The following GFRA1 variants were observed in gnomAD, a reference collection of about 807,000 sequenced individuals.
GFRA1 encodes the protein GDNF family receptor alpha-1.
A neutral mutation model predicts 51.6 loss-of-function variants in GFRA1; 16 were observed. The observed-to-expected ratio is 0.31, with a 90% CI of 0.21 to 0.47. The LOEUF (loss-of-function observed/expected upper bound fraction) is 0.47, where lower values mean the gene tolerates loss of function less well. Among genes scored for constraint, GFRA1 ranks in the 20% least tolerant of loss-of-function variants. The probability of loss-of-function intolerance (pLI) is 1.00; values close to 1 mark genes in which losing one functional copy is unlikely to be tolerated. For synonymous variants in GFRA1, 270 were observed against 241.3 expected (o/e 1.12, Z -1.10); for missense variants, 530 against 594.3 (o/e 0.89, Z 1.13).
chr10:116,252,536 C>G (rs1278543442), intron 4 of GFRA1, among the ~76,000 whole-genome samples: 4 of 152,164 alleles, frequency 2.6e-5, no homozygotes. Flanking sequence ...GCAAACCAGG[C>G]TATCAATGGT....
intron 6 of GFRA1, among the ~76,000 whole-genome samples, chr10:116,109,278 T>C (rs1051984714): frequency 2.6e-5 from 4 of 152,140 alleles, no homozygotes; most frequent in Non-Finnish European, 4.4e-5. Context: ...AAAGAATTAA[T>C]GTTCCCTCTT....
intron 5 of GFRA1, among the ~76,000 whole-genome samples, chr10:116,150,199 T>C (rs1959005018): frequency 6.6e-6 from 1 of 152,110 alleles, no homozygotes; most frequent in African/African-American, 2.4e-5. Flanking sequence ...ACTCCTCCTC[T>C]CCCACTACCA....
Position 116,272,972 on chromosome 10 carries a change from C to G in GFRA1, c.-247+191G>C, listed in dbSNP as rs1844070692. 1 of 152,146 alleles carries G rather than the reference C, an allele frequency of 6.6e-6. No individual in the cohort carries two copies. Among genetic ancestry groups the G allele is most frequent in the Non-Finnish European group, 1.5e-5 (1 of 68,060 alleles). 9.4% of individuals were successfully genotyped at this position (152,146 alleles called of 1,614,324 possible). A position where few individuals can be genotyped will look rare whatever the true frequency, so the allele number is the denominator to read the frequency against. ...GCACCCCAGCCCAGGGCGAGCGCGC[C>G]GGCCCGCAGTCCCGGCGTGCCCCGG... is the stretch of plus-strand genomic sequence containing the variant. On this transcript the variant is annotated intron_variant, in intron 1 of 10. Coordinates refer to ENST00000355422, the MANE Select transcript of GFRA1 (RefSeq NM_005264.8). The surrounding 1 kb of genome is among the most constrained non-coding windows in gnomAD (Gnocchi z 4.4).
intron 5 of GFRA1, among the ~76,000 whole-genome samples, chr10:116,139,936 T>C (rs755919548): frequency 2.6e-5 from 4 of 152,224 alleles, no homozygotes; most frequent in Non-Finnish European, 4.4e-5. Flanking sequence ...CACCATGATA[T>C]TGCCAACACA....
At chr10:116,205,534 C>G (rs1156743042) in intron 5 of GFRA1, among the ~76,000 whole-genome samples, 1 of 150,512 alleles carries the variant, frequency 6.6e-6, no homozygotes, top group Non-Finnish European at 1.5e-5. Flanking sequence ...GAGAACGCAC[C>G]ACTGCACTCT....
At chr10:116,246,184 A>G (rs560924548) in intron 4 of GFRA1, among the ~76,000 whole-genome samples, 31 of 152,356 alleles carry the variant, frequency 2.0e-4, no homozygotes, top group Non-Finnish European at 4.0e-4. Context: ...TCATGCCTGT[A>G]ATCCCAGCAC....
intron 7 of GFRA1, among the ~76,000 whole-genome samples, chr10:116,096,317 T>C (rs1956570799): frequency 6.6e-6 from 1 of 152,110 alleles, no homozygotes; most frequent in African/African-American, 2.4e-5. Flanking sequence ...TTGACTCGCT[T>C]TCTTCTTCCA....
chr10:116,138,644 C>T (rs561264730), intron 5 of GFRA1, among the ~76,000 whole-genome samples: 1 of 145,732 alleles, frequency 6.9e-6, no homozygotes, highest in African/African-American at 2.6e-5. Flanking sequence ...AACCCCCCCC[C>T]GACCCACCCA....
chr10:116,152,326 T>G (rs2134142176), intron 5 of GFRA1, among the ~76,000 whole-genome samples: 1 of 152,284 alleles, frequency 6.6e-6, no homozygotes, highest in Admixed American at 6.5e-5. Flanking sequence ...TCACAACCTT[T>G]TAGAAACGTT....
intron 9 of GFRA1, among the ~76,000 whole-genome samples, chr10:116,067,961 T>G (rs902539726): frequency 2.0e-5 from 3 of 152,176 alleles, no homozygotes; most frequent in African/African-American, 7.2e-5. Flanking sequence ...TTGGCCTCTG[T>G]ATAAAGGAAA....
intron 4 of GFRA1, among the ~76,000 whole-genome samples, chr10:116,258,417 A>AATG (rs1565685693): frequency 9.5e-6 from 1 of 104,848 alleles, no homozygotes; most frequent in Non-Finnish European, 2.1e-5. Flanking sequence ...TTATATTAAT[A>AATG]AAATAAATAT....
chr10:116,113,375 C>T (rs1957288841), intron 6 of GFRA1, among the ~76,000 whole-genome samples: 1 of 152,094 alleles, frequency 6.6e-6, no homozygotes, highest in Non-Finnish European at 1.5e-5. Flanking sequence ...TTGAGATCCT[C>T]AGTAATTTTC....
At chr10:116,136,650 T>C (rs1028225436) in intron 5 of GFRA1, among the ~76,000 whole-genome samples, 2 of 152,210 alleles carry the variant, frequency 1.3e-5, no homozygotes, top group East Asian at 1.9e-4. Flanking sequence ...GCTTTCAGAT[T>C]ATCTCTGTGT....
At chr10:116,185,998 C>G (rs1962676003) in intron 5 of GFRA1, among the ~76,000 whole-genome samples, 1 of 152,106 alleles carries the variant, frequency 6.6e-6, no homozygotes, top group Admixed American at 6.6e-5. Flanking sequence ...TTTTATTTTA[C>G]TTTATTATTT....
At chr10:116,206,971 A>T (rs907975574) in intron 5 of GFRA1, among the ~76,000 whole-genome samples, 1 of 152,140 alleles carries the variant, frequency 6.6e-6, no homozygotes, top group Non-Finnish European at 1.5e-5. Flanking sequence ...CCACCATGAG[A>T]GAAGCCTCTG....
intron 3 of GFRA1, among the ~76,000 whole-genome samples, chr10:116,270,322 T>C (rs890132707): frequency 3.9e-5 from 6 of 152,226 alleles, no homozygotes; most frequent in Non-Finnish European, 8.8e-5. Context: ...CATCTGCCTT[T>C]GATCACGTTA....
intron 5 of GFRA1, among the ~76,000 whole-genome samples, chr10:116,208,563 T>C (rs1482956744): frequency 6.6e-6 from 1 of 152,188 alleles, no homozygotes; most frequent in Non-Finnish European, 1.5e-5. Flanking sequence ...GGAAAGGCTA[T>C]ACCTCTCTGG....
chr10:116,138,138 G>T (rs1958411315), intron 5 of GFRA1, among the ~76,000 whole-genome samples: 1 of 152,066 alleles, frequency 6.6e-6, no homozygotes, highest in African/African-American at 2.4e-5. Context: ...TTCATTCATG[G>T]AGGTGCTTCC....
intron 4 of GFRA1, among the ~76,000 whole-genome samples, chr10:116,238,908 A>G (rs1362400399): frequency 6.6e-6 from 1 of 152,210 alleles, no homozygotes; most frequent in Non-Finnish European, 1.5e-5. Context: ...CAATTTCCCT[A>G]AAGTGAGAAA....
Sources: allele counts gnomAD v4.1 joint callset (sites outside exome capture counted in the v4.1 genomes callset), GRCh38; gene constraint gnomAD v4.1.1; non-coding constraint Gnocchi (gnomAD v3.1); transcripts MANE v1.5; gene names NCBI Gene and HGNC (gene_info 2026-07-23, HGNC 2026-07-21).